The following DGKB variants were observed in gnomAD, a reference collection of about 807,000 sequenced individuals.
DGKB encodes 90 kDa diacylglycerol kinase.
In DGKB, 67 loss-of-function variants were observed where a neutral mutation model predicts 114.3. That is an observed-to-expected ratio of 0.59 (90% CI 0.48 to 0.72). DGKB has a LOEUF of 0.72. DGKB is among the 30% of genes least tolerant of loss of function. The pLI is 0.00. For missense variants in DGKB, 907 were observed against 975.2 expected, an observed-to-expected ratio of 0.93 and a Z score of 0.93; for synonymous variants, 398 against 323.1, an observed-to-expected ratio of 1.23 and a Z score of -2.49.
At chr7:14,342,744 T>G (rs1458584237) in intron 22 of DGKB, among the ~76,000 whole-genome samples, 1 of 151,928 alleles carries the variant, frequency 6.6e-6, no homozygotes, top group Non-Finnish European at 1.5e-5. Flanking sequence ...TTGTTTAGCA[T>G]CACCTGTGAG....
chr7:14,634,342 C>G (rs529020692), intron 13 of DGKB, among the ~76,000 whole-genome samples: 1 of 151,412 alleles, frequency 6.6e-6, no homozygotes, highest in Non-Finnish European at 1.5e-5. Context: ...ATTCAAATAA[C>G]AGTAGTTGCA....
chr7:14,779,570 CA>C (rs1838759545), intron 2 of DGKB, among the ~76,000 whole-genome samples: 1 of 152,004 alleles, frequency 6.6e-6, no homozygotes. Context: ...CTAGTTTAAG[CA>C]AAATAATCAA....
intron 2 of DGKB, among the ~76,000 whole-genome samples, chr7:14,769,105 GAAA>G (rs1836918896): frequency 9.1e-6 from 1 of 110,190 alleles, no homozygotes; most frequent in African/African-American, 3.8e-5. Flanking sequence ...AAGAAAGAAA[GAAA>G]GAAAGAAAGA....
chr7:14,429,348 G>A (rs1248159210), intron 21 of DGKB, among the ~76,000 whole-genome samples: 1 of 152,030 alleles, frequency 6.6e-6, no homozygotes, highest in Non-Finnish European at 1.5e-5. Context: ...GAGGATACAA[G>A]GAGAAGATGT....
chr7:14,362,727 A>G (rs1312008939), intron 21 of DGKB, among the ~76,000 whole-genome samples: 17 of 152,146 alleles, frequency 1.1e-4, no homozygotes, highest in Admixed American at 1.1e-3. Flanking sequence ...AATGACAATT[A>G]CATTGATATT....
At chr7:14,697,687 G>C (rs1824207544) in intron 8 of DGKB, among the ~76,000 whole-genome samples, 1 of 140,132 alleles carries the variant, frequency 7.1e-6, no homozygotes, top group South Asian at 2.2e-4. Context: ...AAAAGAAAAG[G>C]AAGGAAGGAA....
chr7:14,580,386 C>T (rs1057031605), intron 19 of DGKB, among the ~76,000 whole-genome samples: 10 of 152,176 alleles, frequency 6.6e-5, no homozygotes, highest in African/African-American at 2.4e-4. Flanking sequence ...TTTGTCAACT[C>T]TGTATCCAAA....
chr7:14,250,307 A>G (rs1795042109), intron 23 of DGKB, among the ~76,000 whole-genome samples: 1 of 151,934 alleles, frequency 6.6e-6, no homozygotes, highest in South Asian at 2.1e-4. Flanking sequence ...TTTCCATCTT[A>G]GAACTGCTTT....
chr7:14,176,098 A>G (rs1180910109), intron 25 of DGKB: 1 of 152,498 alleles, frequency 6.6e-6, no homozygotes, highest in East Asian at 1.9e-4. Context: ...ATTTCACCTT[A>G]TTTTTTAATA....
intron 23 of DGKB, among the ~76,000 whole-genome samples, chr7:14,226,575 A>G (rs1790838331): frequency 1.3e-5 from 2 of 151,924 alleles, no homozygotes; most frequent in African/African-American, 4.8e-5. Context: ...CATCATGACT[A>G]TTTTCCTTGA....
intron 15 of DGKB, among the ~76,000 whole-genome samples, chr7:14,616,519 CTTTTTGTTATAGA>C (rs1398154513): frequency 2.6e-5 from 4 of 151,518 alleles, no homozygotes; most frequent in Non-Finnish European, 4.4e-5. Flanking sequence ...ATATTGTGTC[CTTTTTGTTATAGA>C]TTTTGGTGGA....
chr7:14,437,169 A>G (rs1829402085), intron 21 of DGKB, among the ~76,000 whole-genome samples: 2 of 152,076 alleles, frequency 1.3e-5, no homozygotes, highest in Non-Finnish European at 2.9e-5. Context: ...TTTTATTTTT[A>G]AATATATAGA....
At position 14,621,201 on chromosome 7, in the gene DGKB, C is replaced by T. The variant is rs901017912; in HGVS notation, c.1284+177G>A. On this transcript the variant is annotated intron_variant, in intron 15 of 25. Coordinates refer to ENST00000402815, the MANE Select transcript of DGKB (RefSeq NM_001350709.2). ...AATGATTAATTTAACCAGAATGTTA[C>T]TCTGTCAATCAACCGTAAGACTGAC... 6.0e-6 allele frequency: 3 copies of T among 503,098 alleles called. No homozygotes were observed. In the South Asian group the frequency reaches 9.0e-5, roughly 15 times the overall value. 31.2% of individuals were successfully genotyped at this position (503,098 alleles called of 1,614,324 possible). A position where few individuals can be genotyped will look rare whatever the true frequency, so the allele number is the denominator to read the frequency against.
intron 19 of DGKB, among the ~76,000 whole-genome samples, chr7:14,575,524 C>T (rs1798994208): frequency 6.6e-6 from 1 of 152,126 alleles, no homozygotes; most frequent in Admixed American, 6.5e-5. Context: ...CATTAGTTTC[C>T]TTCCCTGTAA....
At chr7:14,621,937 C>T (rs945176674) in intron 14 of DGKB, among the ~76,000 whole-genome samples, 2 of 151,934 alleles carry the variant, frequency 1.3e-5, no homozygotes, top group African/African-American at 4.8e-5. Flanking sequence ...CTATTTATAT[C>T]AAAAATAGCA....
At chr7:14,508,776 A>G (rs1217499988) in intron 20 of DGKB, among the ~76,000 whole-genome samples, 1 of 152,150 alleles carries the variant, frequency 6.6e-6, no homozygotes, top group East Asian at 1.9e-4. Flanking sequence ...ATGTTTCTCA[A>G]TGAGTCATAT....
rs200321631 is a variant in DGKB at position 14,194,874 on chromosome 7, A to ATT, written c.2123-16724_2123-16723insAA. ...AAAATAAGGAAAGACCAGAAATCAC[A>ATT]GTACAGCATATTGTCAACAACCTCT... On this transcript the variant is annotated intron_variant, in intron 23 of 25. Transcript: ENST00000402815. Among the ~76,000 whole-genome samples, 999 of 152,260 alleles carry ATT rather than the reference A, an allele frequency of 6.6e-3. 41 individuals are homozygous for ATT. The highest frequency in any genetic ancestry group is 0.062 in the Admixed American group (945 of 15,262).
At chr7:14,273,365 T>A (rs1027620148) in intron 23 of DGKB, among the ~76,000 whole-genome samples, 2 of 151,556 alleles carry the variant, frequency 1.3e-5, no homozygotes, top group Non-Finnish European at 2.9e-5. Flanking sequence ...AAAAAATACA[T>A]AAAAAGAAAG....
At chr7:14,603,908 T>C (rs564367792) in intron 17 of DGKB, among the ~76,000 whole-genome samples, 6 of 152,118 alleles carry the variant, frequency 3.9e-5, no homozygotes, top group Non-Finnish European at 7.4e-5. Flanking sequence ...AGGGGAAAAG[T>C]AATGTCACAA....
Sources: gnomAD v4.1 joint callset for allele counts (sites outside exome capture counted in the v4.1 genomes callset) on GRCh38, gnomAD v4.1.1 for gene constraint, MANE v1.5 for transcripts, NCBI Gene and HGNC (gene_info 2026-07-23, HGNC 2026-07-21) for gene names.